Variants in RAB15 observed in about 807,000 individuals in gnomAD.
RAB15 encodes RAB15, member RAS oncogene family.
A neutral mutation model predicts 31.8 loss-of-function variants in RAB15; 13 were observed. The observed-to-expected ratio is 0.41, with a 90% CI of 0.27 to 0.65. The LOEUF (loss-of-function observed/expected upper bound fraction) is 0.65. Ranked by LOEUF, RAB15 falls within the 30% of genes least tolerant of loss-of-function variation. The pLI is 0.32. For missense variants in RAB15, 220 were observed against 277.3 expected, an observed-to-expected ratio of 0.79 and a Z score of 1.47; for synonymous variants, 100 against 105.6, an observed-to-expected ratio of 0.95 and a Z score of 0.33.
rs11540873 is a variant in RAB15 at position 64,947,941 on chromosome 14, C to T, written c.*413G>A. On this transcript the variant is annotated 3_prime_UTR_variant, in exon 7 of 7. Transcript: ENST00000533601. This position sits in a 1 kb window ranked among gnomAD's most constrained non-coding sequence, Gnocchi z 5.6. The stretch of plus-strand genomic sequence containing the variant: ...TGAGGAGCTTTGATACGAAACGCAC[C>T]GGAGGGGAGGGGTCAGAGAAAGAGA... 50,988 of 167,410 alleles carry T rather than the reference C, an allele frequency of 0.3. 8,416 individuals carry two copies. Among genetic ancestry groups the T allele is most frequent in the East Asian group, 0.65 (3,817 of 5,854 alleles). 10.4% of individuals were successfully genotyped at this position (167,410 alleles called of 1,614,324 possible).
chr14:64,951,701 C>A lies in RAB15; in HGVS notation c.186-38G>T, dbSNP rs1173812048. 3.8e-6 allele frequency: 6 copies of A among 1,568,916 alleles called. No individual in the cohort carries two copies. In the African/African-American group the frequency reaches 8.1e-5, roughly 21 times the overall value. ...GCCAGTCCCTCAGAGGAGCAGGGAC[C>A]ATGGGAACAGACGGGGAGGGGAAGA... On this transcript the variant is annotated intron_variant, in intron 2 of 6. Coordinates refer to ENST00000533601, the MANE Select transcript of RAB15 (RefSeq NM_001308154.2). The surrounding 1 kb of genome is among the most constrained non-coding windows in gnomAD (Gnocchi z 7.2).
intron 1 of RAB15, among the ~76,000 whole-genome samples, chr14:64,957,219 G>A (rs1475128559): frequency 1.3e-5 from 2 of 152,076 alleles, no homozygotes; most frequent in African/African-American, 4.8e-5. Flanking sequence ...TTATAGGCAT[G>A]AGCCTCCGCA....
chr14:64,972,107 G>C lies in RAB15; in HGVS notation c.-31C>G. On this transcript the variant is annotated 5_prime_UTR_variant, in exon 1 of 7. Coordinates refer to ENST00000533601, the MANE Select transcript of RAB15 (RefSeq NM_001308154.2). The surrounding 1 kb of genome is among the most constrained non-coding windows in gnomAD (Gnocchi z 6.3). Reference sequence around the variant, plus strand: ...GGGCCAGCGGGGCCGGGAACTGCGGGCGGGCAGCGGGCTCAGCCCTGCTCC... The same window carrying C: ...GGGCCAGCGGGGCCGGGAACTGCGGCCGGGCAGCGGGCTCAGCCCTGCTCC... The C allele has an allele frequency of 1.3e-6, 2 of 1,557,902 alleles. No homozygotes were observed. Among genetic ancestry groups the C allele is most frequent in the East Asian group, 2.5e-5 (1 of 40,556 alleles).
intron 1 of RAB15, among the ~76,000 whole-genome samples, chr14:64,960,345 A>G (rs10873179): frequency 0.12 from 17,600 of 152,268 alleles, 1,138 homozygotes; most frequent in South Asian, 0.23. Context: ...AGGAGCAGGC[A>G]GGGCACATCC....
Position 64,972,155 on chromosome 14 carries a change from C to CTCAGCCCTGCT in RAB15, c.-80_-79insAGCAGGGCTGA. ...TCCGCCGCTGCCATCGCGGCCCGCG[C>CTCAGCCCTGCT]CCGCCCGGGGACGCTGCGGGCGGCG... On this transcript the variant is annotated 5_prime_UTR_variant, in exon 1 of 7. Coordinates refer to ENST00000533601, the MANE Select transcript of RAB15 (RefSeq NM_001308154.2). The surrounding 1 kb of genome is among the most constrained non-coding windows in gnomAD (Gnocchi z 6.3). 1 of 1,188,374 alleles carries CTCAGCCCTGCT rather than the reference C, an allele frequency of 8.4e-7. No homozygotes were observed. The highest frequency in any genetic ancestry group is 1.0e-6 in the Non-Finnish European group (1 of 955,314). 73.6% of individuals were successfully genotyped at this position (1,188,374 alleles called of 1,614,324 possible).
chr14:64,956,925 C>T (rs1886605559), intron 1 of RAB15, among the ~76,000 whole-genome samples: 1 of 145,468 alleles, frequency 6.9e-6, no homozygotes, highest in African/African-American at 2.7e-5. Context: ...CTCAACTTCT[C>T]CTAGCTTCAA....
Position 64,954,475 on chromosome 14 carries a change from C to T in RAB15, c.125-1904G>A. ...CCTCACACTAGCCTAGCAAACCTGG[C>T]CAAGGACAGTGCCTTGTGCAAAGCC... On this transcript the variant is annotated intron_variant, in intron 1 of 6. Transcript: ENST00000533601. This position sits in a 1 kb window ranked among gnomAD's most constrained non-coding sequence, Gnocchi z 4.3. 1.0e-6 allele frequency: 1 copy of T among 985,452 alleles called. No homozygotes were observed. 61.0% of individuals were successfully genotyped at this position (985,452 alleles called of 1,614,324 possible).
chr14:64,950,193 G>A lies in RAB15; in HGVS notation c.414+132C>T. On this transcript the variant is annotated intron_variant, in intron 5 of 6. Coordinates refer to ENST00000533601, the MANE Select transcript of RAB15 (RefSeq NM_001308154.2). The surrounding 1 kb of genome is among the most constrained non-coding windows in gnomAD (Gnocchi z 5.6). ...CCTTCCGAGGATGGCCACTCCCCCA[G>A]GGCCTTGGGGTGCTGGGGACGTGTG... The A allele has an allele frequency of 3.9e-6, 3 of 768,106 alleles. No homozygotes were observed. The highest frequency in any genetic ancestry group is 6.9e-6 in the Non-Finnish European group (3 of 434,750). 47.6% of individuals were successfully genotyped at this position (768,106 alleles called of 1,614,324 possible).
Position 64,971,494 on chromosome 14 carries a change from C to G in RAB15, c.124+459G>C, listed in dbSNP as rs1158092588. On this transcript the variant is annotated intron_variant, in intron 1 of 6. Transcript: ENST00000533601. The surrounding 1 kb of genome is among the most constrained non-coding windows in gnomAD (Gnocchi z 4.1). ...CCCTCCGTACGTCCTCTCTTCCCCCCCTCGCCCCCCGCCGGCTCCACCTTG... is the reference window on the plus strand; with the variant it reads ...CCCTCCGTACGTCCTCTCTTCCCCCGCTCGCCCCCCGCCGGCTCCACCTTG... Among the ~76,000 whole-genome samples, 1 of 152,114 alleles carries G rather than the reference C, an allele frequency of 6.6e-6. No homozygotes were observed. Among genetic ancestry groups the G allele is most frequent in the Non-Finnish European group, 1.5e-5 (1 of 67,988 alleles).
Position 64,971,983 on chromosome 14 carries a change from C to A in RAB15, c.94G>T (p.Glu32Ter). The change falls in exon 1 of 7, where the codon GAG becomes TAG. Residue 32 changes from glutamate (E) to a stop codon, truncating the protein, a stop_gained. Transcript: ENST00000533601. LOFTEE classifies it high-confidence loss of function. The surrounding 1 kb of genome is among the most constrained non-coding windows in gnomAD (Gnocchi z 4.1). ...TCLLCRFTDN[E>*]FHSSHISTIG... ...GTGGAGATGTGCGAGGAGTGGAACT[C>A]GTTGTCGGTGAAGCGGCACAGCAGG... The A allele has an allele frequency of 1.3e-6, 2 of 1,599,482 alleles. No homozygotes were observed. The highest frequency in any genetic ancestry group is 1.7e-5 in the Admixed American group (1 of 58,334).
chr14:64,954,162 C>G lies in RAB15; in HGVS notation c.125-1591G>C, dbSNP rs1011805134. The G allele has an allele frequency of 1.8e-5, 18 of 985,286 alleles. No individual in the cohort carries two copies. Among genetic ancestry groups the G allele is most frequent in the Non-Finnish European group, 2.2e-5 (18 of 829,930 alleles). The allele number at this position is 985,286 out of a possible 1,614,324, so 61.0% of individuals were successfully genotyped here. On this transcript the variant is annotated intron_variant, in intron 1 of 6. Coordinates refer to ENST00000533601, the MANE Select transcript of RAB15 (RefSeq NM_001308154.2). This position sits in a 1 kb window ranked among gnomAD's most constrained non-coding sequence, Gnocchi z 4.3. Reference sequence around the variant, plus strand: ...CATTTCTCGCCTGCCCAAGCTGATTCATATCCATTGAGCTGTACTTTTCCA... The same window carrying G: ...CATTTCTCGCCTGCCCAAGCTGATTGATATCCATTGAGCTGTACTTTTCCA...
intron 1 of RAB15, among the ~76,000 whole-genome samples, chr14:64,960,165 A>C (rs941669901): frequency 1.3e-5 from 2 of 152,232 alleles, no homozygotes; most frequent in Admixed American, 1.3e-4. Context: ...CTGGGAAGAC[A>C]GGCAGGGCCC....
rs569088927 is a variant in RAB15 at position 64,971,273 on chromosome 14, C to T, written c.124+680G>A. ...CTGCCAGATGAGAGATGCCCTCAGG[C>T]GGGTCCTGCCTGCCTTCTGACCCCT... On this transcript the variant is annotated intron_variant, in intron 1 of 6. Coordinates refer to ENST00000533601, the MANE Select transcript of RAB15 (RefSeq NM_001308154.2). This position sits in a 1 kb window ranked among gnomAD's most constrained non-coding sequence, Gnocchi z 4.1. Among the ~76,000 whole-genome samples, 1 of 152,330 alleles carries T rather than the reference C, an allele frequency of 6.6e-6. No individual in the cohort carries two copies. The highest frequency in any genetic ancestry group is 2.1e-4 in the South Asian group (1 of 4,832).
intron 1 of RAB15, among the ~76,000 whole-genome samples, chr14:64,966,693 G>A (rs1021818025): frequency 2.6e-5 from 4 of 152,120 alleles, no homozygotes; most frequent in Non-Finnish European, 4.4e-5. Flanking sequence ...ATGCAGAAAC[G>A]AAGCACAAAG....
chr14:64,951,259 C>G lies in RAB15; in HGVS notation c.247-108G>C. On this transcript the variant is annotated intron_variant, in intron 3 of 6. Coordinates refer to ENST00000533601, the MANE Select transcript of RAB15 (RefSeq NM_001308154.2). The surrounding 1 kb of genome is among the most constrained non-coding windows in gnomAD (Gnocchi z 7.2). ...GGTTGGGTCCCACTCTCCCATTCTCCCTGCTCAGCATCCAGAAATATCTCT... is the reference window on the plus strand; with the variant it reads ...GGTTGGGTCCCACTCTCCCATTCTCGCTGCTCAGCATCCAGAAATATCTCT... 3.4e-6 allele frequency: 3 copies of G among 875,892 alleles called. No individual in the cohort carries two copies. The highest frequency in any genetic ancestry group is 5.4e-6 in the Non-Finnish European group (3 of 555,974). 54.3% of individuals were successfully genotyped at this position (875,892 alleles called of 1,614,324 possible). A position where few individuals can be genotyped will look rare whatever the true frequency, so the allele number is the denominator to read the frequency against.
chr14:64,947,059 C>T lies in RAB15; in HGVS notation c.*1295G>A, dbSNP rs1294822232. ...GTCTTAAAGGCCAAAGAGAACAGCA[C>T]CAAGCGTTTCTACCCAGGGCCTTCC... is the stretch of plus-strand genomic sequence containing the variant. On this transcript the variant is annotated 3_prime_UTR_variant, in exon 7 of 7. Transcript: ENST00000533601. This position sits in a 1 kb window ranked among gnomAD's most constrained non-coding sequence, Gnocchi z 5.6. 1 of 152,630 alleles carries T rather than the reference C, an allele frequency of 6.6e-6. No individual in the cohort carries two copies. The highest frequency in any genetic ancestry group is 2.4e-5 in the African/African-American group (1 of 41,434). The allele number at this position is 152,630 out of a possible 1,614,324, so 9.5% of individuals were successfully genotyped here. A position where few individuals can be genotyped will look rare whatever the true frequency, so the allele number is the denominator to read the frequency against.
At position 64,971,275 on chromosome 14, in the gene RAB15, G is replaced by A. The variant is rs2140008781; in HGVS notation, c.124+678C>T. ...GCCAGATGAGAGATGCCCTCAGGCG[G>A]GTCCTGCCTGCCTTCTGACCCCTTG... On this transcript the variant is annotated intron_variant, in intron 1 of 6. Transcript: ENST00000533601. The surrounding 1 kb of genome is among the most constrained non-coding windows in gnomAD (Gnocchi z 4.1). Among the ~76,000 whole-genome samples, 1 of 152,282 alleles carries A rather than the reference G, an allele frequency of 6.6e-6. No individual in the cohort carries two copies. Among genetic ancestry groups the A allele is most frequent in the Admixed American group, 6.5e-5 (1 of 15,306 alleles).
rs1303211866 is a variant in RAB15, at chr14:64,951,322, C to T, written c.247-171G>A. ...CACCACTGCCGCCTCCCAGGCCCAT[C>T]ACAGAACTCTCTACAGCAGGAAGAC... On this transcript the variant is annotated intron_variant, in intron 3 of 6. Coordinates refer to ENST00000533601, the MANE Select transcript of RAB15 (RefSeq NM_001308154.2). The surrounding 1 kb of genome is among the most constrained non-coding windows in gnomAD (Gnocchi z 7.2). 6.6e-6 allele frequency among the ~76,000 whole-genome samples: 1 copy of T among 152,194 alleles called. No individual in the cohort carries two copies. The highest frequency in any genetic ancestry group is 1.5e-5 in the Non-Finnish European group (1 of 68,036).
In RAB15 at chr14:64,958,454, C is replaced by T. The variant is rs1886692667; in HGVS notation, c.125-5883G>A. Among the ~76,000 whole-genome samples, 1 of 152,198 alleles carries T rather than the reference C, an allele frequency of 6.6e-6. No homozygotes were observed. The highest frequency in any genetic ancestry group is 2.4e-5 in the African/African-American group (1 of 41,454). Reference sequence around the variant, plus strand: ...ACCAGACACTGAATCTGCTGGCACCCTGATCTTGGACTTCCCAGCCTCCCA... The same window carrying T: ...ACCAGACACTGAATCTGCTGGCACCTTGATCTTGGACTTCCCAGCCTCCCA... On this transcript the variant is annotated intron_variant, in intron 1 of 6. Coordinates refer to ENST00000533601, the MANE Select transcript of RAB15 (RefSeq NM_001308154.2). The surrounding 1 kb of genome is among the most constrained non-coding windows in gnomAD (Gnocchi z 4.4).
Sources: gnomAD v4.1 joint callset for allele counts (sites outside exome capture counted in the v4.1 genomes callset) on GRCh38, gnomAD v4.1.1 for gene constraint, Gnocchi (gnomAD v3.1) non-coding constraint, MANE v1.5 for transcripts, NCBI Gene and HGNC (gene_info 2026-07-23, HGNC 2026-07-21) for gene names.